Variants in GRM8 observed in about 807,000 individuals in gnomAD.
GRM8 encodes glutamate metabotropic receptor 8.
GRM8 carries 47 observed loss-of-function variants against 87.2 expected under a neutral mutation model. The observed-to-expected ratio is 0.54, with a 90% CI of 0.43 to 0.69. The LOEUF (loss-of-function observed/expected upper bound fraction) is 0.69. Among genes scored for constraint, GRM8 ranks in the 30% least tolerant of loss-of-function variants. The pLI is 0.00. For missense variants in GRM8, 1,019 were observed against 1,139.2 expected (o/e 0.89, Z 1.52); for synonymous variants, 396 against 404.5 (o/e 0.98, Z 0.25).
intron 6 of GRM8, among the ~76,000 whole-genome samples, chr7:126,827,813 G>A (rs2130333951): frequency 6.6e-6 from 1 of 152,294 alleles, no homozygotes; most frequent in Middle Eastern, 3.4e-3. Flanking sequence ...AATTCTTCCA[G>A]TTTTTGCCCA....
At chr7:127,222,404 T>A (rs1476151103) in intron 2 of GRM8, among the ~76,000 whole-genome samples, 1 of 152,112 alleles carries the variant, frequency 6.6e-6, no homozygotes, top group African/African-American at 2.4e-5. Flanking sequence ...TAATACCCTG[T>A]CTCAAAACAT....
chr7:126,965,434 T>G (rs540338855), intron 3 of GRM8, among the ~76,000 whole-genome samples: 13 of 152,278 alleles, frequency 8.5e-5, no homozygotes, highest in Middle Eastern at 3.4e-3. Context: ...TAAAAATATA[T>G]CTAGACTAGT....
At chr7:127,021,539 T>C (rs2132220536) in intron 3 of GRM8, among the ~76,000 whole-genome samples, 1 of 152,152 alleles carries the variant, frequency 6.6e-6, no homozygotes, top group Middle Eastern at 3.4e-3. Context: ...TATAAAAAGG[T>C]GAGTCAATCC....
intron 6 of GRM8, among the ~76,000 whole-genome samples, chr7:126,782,115 A>G (rs1820141607): frequency 6.6e-6 from 1 of 152,262 alleles, no homozygotes; most frequent in South Asian, 2.1e-4. Flanking sequence ...ACATGTAGAA[A>G]TCAAGTTCAT....
chr7:126,658,441 A>G (rs1804777557), intron 7 of GRM8, among the ~76,000 whole-genome samples: 1 of 152,172 alleles, frequency 6.6e-6, no homozygotes, highest in African/African-American at 2.4e-5. Flanking sequence ...TGAGCAGAGA[A>G]TAGGATCTAA....
rs189959765 is a variant in GRM8, at chr7:126,531,435, C to T, written c.2430+1517G>A. Reference sequence around the variant, plus strand: ...TTTTGCAAGCCACACTCAATCATATCTGCATAGGCATAGCTATATAGACAC... The same window carrying T: ...TTTTGCAAGCCACACTCAATCATATTTGCATAGGCATAGCTATATAGACAC... On this transcript the variant is annotated intron_variant, in intron 9 of 10. Transcript: ENST00000339582. Among the ~76,000 whole-genome samples, 3 of 152,346 alleles carry T rather than the reference C, an allele frequency of 2.0e-5. No individual in the cohort carries two copies. In the East Asian group the frequency reaches 5.8e-4, roughly 29 times the overall value.
At chr7:126,943,608 T>C (rs1444687360) in intron 3 of GRM8, among the ~76,000 whole-genome samples, 1 of 152,198 alleles carries the variant, frequency 6.6e-6, no homozygotes. Context: ...CCAGACTCCA[T>C]TTGTCTTTAA....
chr7:126,949,971 G>A (rs910754116), intron 3 of GRM8, among the ~76,000 whole-genome samples: 2 of 152,164 alleles, frequency 1.3e-5, no homozygotes, highest in African/African-American at 4.8e-5. Context: ...GATCAAAGAC[G>A]TGGGTTTGAA....
At chr7:126,875,160 T>A (rs1031536943) in intron 6 of GRM8, among the ~76,000 whole-genome samples, 1 of 152,084 alleles carries the variant, frequency 6.6e-6, no homozygotes, top group Non-Finnish European at 1.5e-5. Context: ...AAATAATTCA[T>A]TTAGTTAACA....
At position 126,666,547 on chromosome 7, in the gene GRM8, C is replaced by CTGATGTA. The variant is rs1490556242; in HGVS notation, c.1358-57056_1358-57050dup. On this transcript the variant is annotated intron_variant, in intron 7 of 10. Coordinates refer to ENST00000339582, the MANE Select transcript of GRM8 (RefSeq NM_000845.3). Reference sequence around the variant, plus strand: ...AAGCATTAATATCAACATTAAGAGGCTGATGTATCAATCCTACTGCGTCCA... The same window carrying CTGATGTA: ...AAGCATTAATATCAACATTAAGAGGCTGATGTATGATGTATCAATCCTACTGCGTCCA... Among the ~76,000 whole-genome samples the CTGATGTA allele has an allele frequency of 2.0e-5, 3 of 152,090 alleles. No homozygotes were observed. In the East Asian group the frequency reaches 5.8e-4, roughly 29 times the overall value.
At chr7:127,176,094 T>A (rs1486659901) in intron 2 of GRM8, among the ~76,000 whole-genome samples, 1 of 152,206 alleles carries the variant, frequency 6.6e-6, no homozygotes, top group African/African-American at 2.4e-5. Context: ...GAAGTGCAGA[T>A]GCAATGGTAG....
chr7:127,206,299 A>G (rs1365762520), intron 2 of GRM8, among the ~76,000 whole-genome samples: 1 of 152,184 alleles, frequency 6.6e-6, no homozygotes, highest in African/African-American at 2.4e-5. Context: ...AATGCGGTGA[A>G]GACCTCTCTC....
chr7:127,181,832 C>A (rs894876481), intron 2 of GRM8, among the ~76,000 whole-genome samples: 2 of 152,012 alleles, frequency 1.3e-5, no homozygotes. Flanking sequence ...TCACGTTATA[C>A]AAAAATCAAC....
intron 7 of GRM8, among the ~76,000 whole-genome samples, chr7:126,636,474 T>C (rs1345584630): frequency 6.6e-6 from 1 of 152,090 alleles, no homozygotes; most frequent in Non-Finnish European, 1.5e-5. Flanking sequence ...TTCCACTGTA[T>C]TGTATAGGTA....
chr7:126,822,260 A>T lies in GRM8; in HGVS notation c.1157-52195T>A, dbSNP rs138567341. On this transcript the variant is annotated intron_variant, in intron 6 of 10. Coordinates refer to ENST00000339582, the MANE Select transcript of GRM8 (RefSeq NM_000845.3). ...ACTGTTCTGGTTAAGGACACCAAGA[A>T]CTCTCTTGTCATTTAAAGTTTCTTT... 2.0e-5 allele frequency among the ~76,000 whole-genome samples: 3 copies of T among 152,090 alleles called. No homozygotes were observed. The East Asian group carries it at 5.8e-4, about 29-fold the overall frequency.
chr7:126,576,791 C>A (rs1795153740), intron 8 of GRM8, among the ~76,000 whole-genome samples: 1 of 152,112 alleles, frequency 6.6e-6, no homozygotes, highest in Admixed American at 6.5e-5. Context: ...TGTCAATGAG[C>A]TCCAGTCTGA....
intron 6 of GRM8, among the ~76,000 whole-genome samples, chr7:126,845,633 T>C (rs975963644): frequency 5.9e-5 from 9 of 152,124 alleles, no homozygotes; most frequent in African/African-American, 2.2e-4. Context: ...CAAAGTCAAG[T>C]CAAAAAAGCA....
chr7:126,590,790 G>C (rs192545871), intron 8 of GRM8, among the ~76,000 whole-genome samples: 1 of 152,092 alleles, frequency 6.6e-6, no homozygotes, highest in Non-Finnish European at 1.5e-5. Context: ...ATAAATAAAG[G>C]AAAGATACAA....
chr7:127,153,554 A>C (rs895733599), intron 2 of GRM8, among the ~76,000 whole-genome samples: 1 of 152,090 alleles, frequency 6.6e-6, no homozygotes, highest in African/African-American at 2.4e-5. Flanking sequence ...GAGAGTGGTG[A>C]CTTGAAAGAG....
Sources: allele counts gnomAD v4.1 joint callset (sites outside exome capture counted in the v4.1 genomes callset), GRCh38; gene constraint gnomAD v4.1.1; transcripts MANE v1.5; gene names NCBI Gene and HGNC (gene_info 2026-07-23, HGNC 2026-07-21).